Variants in MACROD2 observed in about 807,000 individuals in gnomAD.
The protein encoded by MACROD2 is ADP-ribose glycohydrolase MACROD2.
In MACROD2, 36 loss-of-function variants were observed where a neutral mutation model predicts 70.4. The observed-to-expected ratio is 0.51, with a 90% CI of 0.39 to 0.68. The LOEUF is 0.68. Among genes scored for constraint, MACROD2 ranks in the 30% least tolerant of loss-of-function variants. MACROD2 has a pLI of 0.00. For synonymous variants in MACROD2, 172 were observed against 178.8 expected (o/e 0.96, Z 0.30); for missense variants, 496 against 538.4 (o/e 0.92, Z 0.78).
At chr20:16,043,305 G>T (rs1359703833) in intron 16 of MACROD2, among the ~76,000 whole-genome samples, 1 of 152,058 alleles carries the variant, frequency 6.6e-6, no homozygotes, top group Non-Finnish European at 1.5e-5. Flanking sequence ...AAAAAATAGG[G>T]ACGCTGACAG....
At chr20:14,715,456 A>G (rs1037561495) in intron 5 of MACROD2, among the ~76,000 whole-genome samples, 11 of 152,220 alleles carry the variant, frequency 7.2e-5, no homozygotes, top group Non-Finnish European at 1.5e-4. Flanking sequence ...TGATTTTAAA[A>G]AAGTGTTACA....
intron 5 of MACROD2, among the ~76,000 whole-genome samples, chr20:15,029,970 A>T (rs533148205): frequency 1.3e-4 from 20 of 151,852 alleles, no homozygotes; most frequent in Admixed American, 6.6e-4. Context: ...CCTGCCTGTA[A>T]ACCCAGCTAC....
At chr20:15,840,272 G>A (rs2064156402) in intron 8 of MACROD2, among the ~76,000 whole-genome samples, 3 of 152,112 alleles carry the variant, frequency 2.0e-5, no homozygotes, top group African/African-American at 7.2e-5. Flanking sequence ...AGAAAACAAA[G>A]AGGAATATTT....
intron 5 of MACROD2, among the ~76,000 whole-genome samples, chr20:15,080,295 A>C (rs1005027901): frequency 1.3e-5 from 2 of 152,184 alleles, no homozygotes; most frequent in African/African-American, 4.8e-5. Context: ...CTACTGCAAA[A>C]CACACTTGTT....
chr20:15,692,948 A>G (rs1454524312), intron 8 of MACROD2, among the ~76,000 whole-genome samples: 1 of 152,104 alleles, frequency 6.6e-6, no homozygotes, highest in African/African-American at 2.4e-5. Flanking sequence ...ATGAGTTCTC[A>G]TGAGATTTGA....
At chr20:14,781,517 A>G (rs1413574679) in intron 5 of MACROD2, among the ~76,000 whole-genome samples, 1 of 149,358 alleles carries the variant, frequency 6.7e-6, no homozygotes, top group Non-Finnish European at 1.5e-5. Flanking sequence ...AGTTGCAAAA[A>G]AATCTGTGTA....
intron 7 of MACROD2, among the ~76,000 whole-genome samples, chr20:15,469,953 T>G (rs1453673480): frequency 1.3e-5 from 2 of 152,236 alleles, no homozygotes; most frequent in Non-Finnish European, 2.9e-5. Flanking sequence ...ACCAAAAAAT[T>G]AGTTGAAAAC....
intron 13 of MACROD2, among the ~76,000 whole-genome samples, chr20:15,972,113 G>T (rs1016047422): frequency 6.6e-6 from 1 of 152,016 alleles, no homozygotes; most frequent in Non-Finnish European, 1.5e-5. Flanking sequence ...TGGCAGATTA[G>T]ATACTATAGA....
At chr20:15,586,832 C>T (rs2048609188) in intron 8 of MACROD2, among the ~76,000 whole-genome samples, 1 of 151,730 alleles carries the variant, frequency 6.6e-6, no homozygotes, top group Non-Finnish European at 1.5e-5. Flanking sequence ...AACAGAAGCC[C>T]CATTTTTCAA....
At chr20:14,957,975 A>G (rs2074551960) in intron 5 of MACROD2, among the ~76,000 whole-genome samples, 2 of 152,126 alleles carry the variant, frequency 1.3e-5, no homozygotes. Flanking sequence ...AGGTTGGTGC[A>G]AAAATAATTG....
At chr20:15,093,219 C>T (rs1253878379) in intron 5 of MACROD2, among the ~76,000 whole-genome samples, 6 of 152,142 alleles carry the variant, frequency 3.9e-5, no homozygotes, top group East Asian at 1.9e-4. Flanking sequence ...TTTAGAAAAT[C>T]GTGGTTTGTA....
intron 2 of MACROD2, among the ~76,000 whole-genome samples, chr20:14,072,899 A>C (rs1346421386): frequency 6.6e-5 from 10 of 150,476 alleles, no homozygotes; most frequent in Admixed American, 5.4e-4. Flanking sequence ...GCATCACTGC[A>C]CTCCAGCCTG....
intron 5 of MACROD2, among the ~76,000 whole-genome samples, chr20:15,224,348 A>C (rs1447389110): frequency 6.6e-6 from 1 of 152,228 alleles, no homozygotes; most frequent in East Asian, 1.9e-4. Context: ...CATGACAAAC[A>C]TGCCAAAATG....
intron 8 of MACROD2, among the ~76,000 whole-genome samples, chr20:15,796,456 G>A (rs187940165): frequency 3.9e-5 from 6 of 152,258 alleles, no homozygotes; most frequent in African/African-American, 4.8e-5. Context: ...ACCTTTGCAC[G>A]TAACAAATAG....
intron 8 of MACROD2, among the ~76,000 whole-genome samples, chr20:15,775,233 CA>C: frequency 6.6e-6 from 1 of 152,008 alleles, no homozygotes; most frequent in South Asian, 2.1e-4. Flanking sequence ...AGTCTCACTA[CA>C]AAAAAATGGC....
intron 15 of MACROD2, among the ~76,000 whole-genome samples, chr20:15,991,549 G>A (rs574726242): frequency 6.6e-6 from 1 of 152,316 alleles, no homozygotes; most frequent in African/African-American, 2.4e-5. Flanking sequence ...ATCATATACA[G>A]ACTGTGTTCT....
At chr20:15,201,771 A>C (rs776026286) in intron 5 of MACROD2, among the ~76,000 whole-genome samples, 15 of 152,188 alleles carry the variant, frequency 9.9e-5, no homozygotes, top group Non-Finnish European at 2.1e-4. Flanking sequence ...CTGCATTTGC[A>C]CAATCCACAA....
chr20:14,700,055 GTTTAAAGTTTAAATCTAGAAA>G (rs1568745740), intron 5 of MACROD2, among the ~76,000 whole-genome samples: 5 of 151,556 alleles, frequency 3.3e-5, no homozygotes, highest in East Asian at 1.9e-4. Flanking sequence ...AAATCTAGAA[GTTTAAAGTTTAAATCTAGAAA>G]TTTAAAGTTT....
intron 15 of MACROD2, among the ~76,000 whole-genome samples, chr20:16,031,733 C>T (rs952697297): frequency 2.0e-5 from 3 of 151,994 alleles, no homozygotes; most frequent in African/African-American, 4.8e-5. Context: ...CAATACTAAT[C>T]AATGCACATT....
Sources: allele counts gnomAD v4.1 joint callset (sites outside exome capture counted in the v4.1 genomes callset), GRCh38; gene constraint gnomAD v4.1.1; transcripts MANE v1.5; gene names NCBI Gene and HGNC (gene_info 2026-07-23, HGNC 2026-07-21).